Variants in TEK observed in about 807,000 individuals in gnomAD.
TEK encodes angiopoietin-1 receptor.
TEK carries 43 observed loss-of-function variants against 131.8 expected under a neutral mutation model. That is an observed-to-expected ratio of 0.33 (90% CI 0.26 to 0.42). The LOEUF (loss-of-function observed/expected upper bound fraction) is 0.42. TEK is among the 10% of genes least tolerant of loss of function. The pLI is 1.00. For missense variants in TEK, 1,162 were observed against 1,384.4 expected, an observed-to-expected ratio of 0.84 and a Z score of 2.55; for synonymous variants, 580 against 491.6, an observed-to-expected ratio of 1.18 and a Z score of -2.38.
rs1385838717 is a variant in TEK, at chr9:27,109,289, G to A, written c.-302G>A. ...AACAGCAACAGATAAGTGTTTTGAT[G>A]AATTGCGAGATGGATAGGGCTTGAG... is the stretch of plus-strand genomic sequence containing the variant. On this transcript the variant is annotated 5_prime_UTR_variant, in exon 1 of 23. The change abolishes an upstream ATG in the 5' untranslated region. Coordinates refer to ENST00000380036, the MANE Select transcript of TEK (RefSeq NM_000459.5). 1 of 539,690 alleles carries A rather than the reference G, an allele frequency of 1.9e-6. No homozygotes were observed. Among genetic ancestry groups the A allele is most frequent in the African/African-American group, 1.9e-5 (1 of 52,084 alleles). 33.4% of individuals were successfully genotyped at this position (539,690 alleles called of 1,614,324 possible).
intron 1 of TEK, among the ~76,000 whole-genome samples, chr9:27,114,668 C>A (rs548953987): frequency 8.5e-5 from 13 of 152,192 alleles, no homozygotes; most frequent in African/African-American, 2.9e-4. Flanking sequence ...TTTTATATAT[C>A]TTGTAAATGA....
At chr9:27,216,540 G>A (rs750257281) in intron 18 of TEK, among the ~76,000 whole-genome samples, 19 of 152,108 alleles carry the variant, frequency 1.2e-4, no homozygotes, top group Non-Finnish European at 2.6e-4. Context: ...AGAGAGTGAA[G>A]GGAGGAGGTG....
intron 1 of TEK, among the ~76,000 whole-genome samples, chr9:27,135,089 G>A (rs549803928): frequency 7.3e-6 from 1 of 136,522 alleles, no homozygotes; most frequent in South Asian, 2.2e-4. Context: ...GCTGGGCATG[G>A]TGGTGCATGC....
At chr9:27,168,638 G>A (rs1295618741) in intron 3 of TEK, 33 bp downstream of exon 3, 2 of 1,408,204 alleles carry the variant, frequency 1.4e-6, no homozygotes, top group East Asian at 2.3e-5. Flanking sequence ...TCCCCAGTAT[G>A]ATGTGAGATA....
chr9:27,173,079 AG>A, intron 5 of TEK, 142 bp from the exon 6 acceptor site: 1 of 1,056,870 alleles, frequency 9.5e-7, no homozygotes, highest in South Asian at 1.4e-5. Flanking sequence ...ATGGGCCATA[AG>A]GGTATGTTCA....
At chr9:27,203,252 T>A in intron 13 of TEK, 133 bp downstream of exon 13, 3 of 924,968 alleles carry the variant, frequency 3.2e-6, no homozygotes, top group East Asian at 2.5e-5. Flanking sequence ...TACAGAGAGG[T>A]CCTTAATATC....
At chr9:27,166,451 A>T (rs1054469858) in intron 2 of TEK, among the ~76,000 whole-genome samples, 1 of 152,100 alleles carries the variant, frequency 6.6e-6, no homozygotes, top group Non-Finnish European at 1.5e-5. Flanking sequence ...TTTTTGTTTC[A>T]TGAGCTTTGA....
Position 27,204,932 on chromosome 9 carries a change from G to A in TEK, c.2231G>A (p.Gly744Glu), listed in dbSNP as rs923057858. ...ESQAPADLGG[G>E]KMLLIAILGS... ...ACAGCACCAGCGGACCTCGGAGGGG[G>A]GAAGATGCTGCTTATAGCCATCCTT... The change falls in exon 14 of 23, where the codon GGG becomes GAG. Residue 744 changes from glycine to glutamate, a missense_variant. Physicochemically the swap from Gly to Glu is moderately conservative, Grantham distance 98. Coordinates refer to ENST00000380036, the MANE Select transcript of TEK (RefSeq NM_000459.5). 2 of 1,613,830 alleles carry A rather than the reference G, an allele frequency of 1.2e-6. No individual in the cohort carries two copies. Among genetic ancestry groups the A allele is most frequent in the Non-Finnish European group, 1.7e-6 (2 of 1,179,892 alleles).
chr9:27,143,462 C>T (rs780343714), intron 1 of TEK, among the ~76,000 whole-genome samples: 1 of 151,988 alleles, frequency 6.6e-6, no homozygotes. Flanking sequence ...AGAGAAGAAC[C>T]GAGAAACAGC....
intron 2 of TEK, among the ~76,000 whole-genome samples, chr9:27,165,341 C>T (rs896411868): frequency 6.6e-6 from 1 of 152,000 alleles, no homozygotes; most frequent in Non-Finnish European, 1.5e-5. Context: ...AAAAAATTCT[C>T]GTAGGAGTCC....
At chr9:27,144,704 T>A (rs891848006) in intron 1 of TEK, among the ~76,000 whole-genome samples, 1 of 151,988 alleles carries the variant, frequency 6.6e-6, no homozygotes, top group African/African-American at 2.4e-5. Flanking sequence ...TGGAAGACAA[T>A]AGATTCCAAA....
chr9:27,209,381 A>G (rs567600226), intron 16 of TEK, 150 bp downstream of exon 16: 18 of 709,616 alleles, frequency 2.5e-5, no homozygotes, highest in South Asian at 2.0e-4. Flanking sequence ...AGTCCCATTT[A>G]TAGACTGTGC....
intron 1 of TEK, 68 bp downstream of exon 1, chr9:27,109,710 C>T: frequency 6.7e-7 from 1 of 1,503,610 alleles, no homozygotes; most frequent in Non-Finnish European, 9.2e-7. Context: ...TCTGGGTGCT[C>T]TCCCCAAATC....
chr9:27,116,328 G>T (rs1470873158), intron 1 of TEK, among the ~76,000 whole-genome samples: 5 of 151,804 alleles, frequency 3.3e-5, no homozygotes, highest in Admixed American at 1.3e-4. Flanking sequence ...TTGCTGTGTC[G>T]CCCAGGCTGG....
intron 2 of TEK, among the ~76,000 whole-genome samples, chr9:27,161,578 C>T (rs149416398): frequency 7.2e-5 from 11 of 152,286 alleles, no homozygotes; most frequent in African/African-American, 1.4e-4. Flanking sequence ...ATTACCACTA[C>T]GCTACCCTTT....
At chr9:27,226,887 A>G (rs567832348) in intron 21 of TEK, among the ~76,000 whole-genome samples, 1 of 152,302 alleles carries the variant, frequency 6.6e-6, no homozygotes, top group South Asian at 2.1e-4. Context: ...GAAGACTGCA[A>G]GGCTCTAGGT....
At chr9:27,213,623 C>T (rs537198836) in intron 18 of TEK, 26 bp downstream of exon 18, 6 of 1,552,054 alleles carry the variant, frequency 3.9e-6, no homozygotes, top group African/African-American at 2.7e-5. Flanking sequence ...AGACACTGAT[C>T]GCATCCTTTC....
chr9:27,179,231 G>T (rs1376979236), intron 6 of TEK, among the ~76,000 whole-genome samples: 1 of 152,004 alleles, frequency 6.6e-6, no homozygotes, highest in African/African-American at 2.4e-5. Context: ...CCATTCTGTT[G>T]CTAAGTCCAT....
At chr9:27,141,748 C>T (rs1004016238) in intron 1 of TEK, among the ~76,000 whole-genome samples, 6 of 152,156 alleles carry the variant, frequency 3.9e-5, no homozygotes, top group Admixed American at 1.3e-4. Flanking sequence ...ATCTGAGGTC[C>T]GGACTTCAGA....
Sources: gnomAD v4.1 joint callset for allele counts (sites outside exome capture counted in the v4.1 genomes callset) on GRCh38, gnomAD v4.1.1 for gene constraint, MANE v1.5 for transcripts, NCBI Gene and HGNC (gene_info 2026-07-23, HGNC 2026-07-21) for gene names.